The following ADAM22 variants were observed in gnomAD, a reference collection of about 807,000 sequenced individuals.
The protein encoded by ADAM22 is disintegrin and metalloproteinase domain-containing protein 22.
Under a neutral mutation model 144.6 loss-of-function variants are expected in ADAM22, and 65 were observed. That is an observed-to-expected ratio of 0.45 (90% CI 0.37 to 0.55). The LOEUF is 0.55. ADAM22 is among the 20% of genes least tolerant of loss of function. The pLI is 0.00. For synonymous variants in ADAM22, 391 were observed against 412.6 expected, an observed-to-expected ratio of 0.95 and a Z score of 0.63; for missense variants, 974 against 1,184.9, an observed-to-expected ratio of 0.82 and a Z score of 2.61.
chr7:88,112,050 T>C (rs1826184727), intron 5 of ADAM22, among the ~76,000 whole-genome samples: 1 of 152,212 alleles, frequency 6.6e-6, no homozygotes, highest in East Asian at 1.9e-4. Context: ...TATGATGGTT[T>C]CATATGACTT....
intron 2 of ADAM22, among the ~76,000 whole-genome samples, chr7:87,955,926 T>C (rs1846591306): frequency 6.6e-6 from 1 of 152,210 alleles, no homozygotes; most frequent in African/African-American, 2.4e-5. Flanking sequence ...TAGGACCCTC[T>C]GAGCCAGGTG....
intron 4 of ADAM22, among the ~76,000 whole-genome samples, chr7:88,095,860 T>G (rs1821111016): frequency 6.6e-6 from 1 of 152,174 alleles, no homozygotes; most frequent in Non-Finnish European, 1.5e-5. Flanking sequence ...ATTTTTATTC[T>G]TGCCTTGACT....
chr7:88,173,399 C>T (rs1430795306), intron 26 of ADAM22, among the ~76,000 whole-genome samples: 12 of 151,216 alleles, frequency 7.9e-5, no homozygotes, highest in African/African-American at 2.9e-4. Flanking sequence ...TTTTTTTTGT[C>T]CTTGCCCATA....
At chr7:88,160,692 A>G (rs1302991705) in intron 22 of ADAM22, among the ~76,000 whole-genome samples, 2 of 152,188 alleles carry the variant, frequency 1.3e-5, no homozygotes, top group African/African-American at 2.4e-5. Context: ...ACTATTCACA[A>G]CAGCAAAGAC....
At chr7:88,194,057 G>T (rs1343817531) in intron 31 of ADAM22, among the ~76,000 whole-genome samples, 3 of 152,178 alleles carry the variant, frequency 2.0e-5, no homozygotes, top group Non-Finnish European at 4.4e-5. Context: ...CAGATTCCCA[G>T]CACTCAGCTT....
intron 21 of ADAM22, among the ~76,000 whole-genome samples, chr7:88,155,332 G>A (rs1729397707): frequency 6.6e-6 from 1 of 151,926 alleles, no homozygotes; most frequent in African/African-American, 2.4e-5. Context: ...AGGCCAGCCT[G>A]GGCAACATAG....
intron 4 of ADAM22, among the ~76,000 whole-genome samples, chr7:88,081,600 T>G (rs993933092): frequency 4.0e-5 from 6 of 150,454 alleles, no homozygotes; most frequent in Admixed American, 6.6e-5. Context: ...CCCCATTGTC[T>G]CAGCCCAAAA....
chr7:88,134,236 C>T lies in ADAM22; in HGVS notation c.1078-93C>T, dbSNP rs1326907472. 3 of 937,666 alleles carry T rather than the reference C, an allele frequency of 3.2e-6. No individual in the cohort carries two copies. In the South Asian group the frequency reaches 4.9e-5, roughly 15 times the overall value. 58.1% of individuals were successfully genotyped at this position (937,666 alleles called of 1,614,324 possible). A position where few individuals can be genotyped will look rare whatever the true frequency, so the allele number is the denominator to read the frequency against. On this transcript the variant is annotated intron_variant, in intron 12 of 31. Transcript: ENST00000413139. Reference sequence around the variant, plus strand: ...TTCTAAAGAAATTGCTTAGAAATTACTTATTTTCAGCGATATTGTGACATT... The same window carrying T: ...TTCTAAAGAAATTGCTTAGAAATTATTTATTTTCAGCGATATTGTGACATT...
intron 3 of ADAM22, among the ~76,000 whole-genome samples, chr7:87,996,748 A>G (rs929810446): frequency 1.3e-5 from 2 of 152,262 alleles, no homozygotes; most frequent in Non-Finnish European, 2.9e-5. Context: ...CATGAGAGGC[A>G]GTGTTACCAA....
chr7:88,131,086 T>G (rs1055250645), intron 10 of ADAM22, among the ~76,000 whole-genome samples, 183 bp from the exon 11 acceptor site: 6 of 152,136 alleles, frequency 3.9e-5, no homozygotes, highest in African/African-American at 1.2e-4. Flanking sequence ...TGCTCTGTTC[T>G]TTGGGTATTG....
At chr7:88,168,593 C>G (rs1386579011) in intron 25 of ADAM22, among the ~76,000 whole-genome samples, 1 of 152,068 alleles carries the variant, frequency 6.6e-6, no homozygotes, top group Non-Finnish European at 1.5e-5. Context: ...ATTTATCTAT[C>G]TAATGTGTTC....
At chr7:88,165,229 T>A (rs1842672766) in intron 23 of ADAM22, among the ~76,000 whole-genome samples, 1 of 151,926 alleles carries the variant, frequency 6.6e-6, no homozygotes, top group African/African-American at 2.4e-5. Context: ...TAAAAAAAAA[T>A]GGTGTCAATT....
At chr7:87,960,540 C>G (rs1847813568) in intron 2 of ADAM22, among the ~76,000 whole-genome samples, 1 of 152,138 alleles carries the variant, frequency 6.6e-6, no homozygotes, top group African/African-American at 2.4e-5. Flanking sequence ...TTGGGTATTT[C>G]AGTTATGTTA....
intron 3 of ADAM22, among the ~76,000 whole-genome samples, chr7:88,033,614 G>A (rs2129469857): frequency 6.6e-6 from 1 of 152,322 alleles, no homozygotes; most frequent in South Asian, 2.1e-4. Flanking sequence ...AGCCAGCCAG[G>A]CCTTTGTTCT....
intron 3 of ADAM22, among the ~76,000 whole-genome samples, chr7:88,036,135 C>G (rs1801475642): frequency 6.6e-6 from 1 of 152,130 alleles, no homozygotes; most frequent in East Asian, 1.9e-4. Context: ...TTATGCTACT[C>G]ACACATTTGG....
intron 5 of ADAM22, among the ~76,000 whole-genome samples, chr7:88,113,257 C>T (rs908146466): frequency 6.7e-6 from 1 of 149,320 alleles, no homozygotes; most frequent in African/African-American, 2.5e-5. Context: ...CTCTGTTTTA[C>T]GTACTTTGTT....
chr7:88,122,517 A>G (rs1829540762), intron 7 of ADAM22, among the ~76,000 whole-genome samples: 1 of 152,110 alleles, frequency 6.6e-6, no homozygotes, highest in Non-Finnish European at 1.5e-5. Flanking sequence ...TTACCTGCAA[A>G]ATACATTCTC....
At chr7:88,156,671 C>T (rs532134571) in intron 22 of ADAM22, among the ~76,000 whole-genome samples, 1 of 152,166 alleles carries the variant, frequency 6.6e-6, no homozygotes, top group South Asian at 2.1e-4. Context: ...CAGTTAGATA[C>T]TCAGATTACT....
At chr7:87,966,751 T>TTTTG (rs1485531359) in intron 2 of ADAM22, among the ~76,000 whole-genome samples, 1 of 145,340 alleles carries the variant, frequency 6.9e-6, no homozygotes. Flanking sequence ...TTTTTTTTTT[T>TTTTG]TGTGGCATGT....
Sources: allele counts gnomAD v4.1 joint callset (sites outside exome capture counted in the v4.1 genomes callset), GRCh38; gene constraint gnomAD v4.1.1; transcripts MANE v1.5; gene names NCBI Gene and HGNC (gene_info 2026-07-23, HGNC 2026-07-21).